MYOCD: variants seen among roughly 807,000 people sequenced by gnomAD.
The protein encoded by MYOCD is myocardin.
Under a neutral mutation model 96.1 loss-of-function variants are expected in MYOCD, and 32 were observed. The ratio of observed to expected loss-of-function variants is 0.33; its 90% CI spans 0.25 to 0.45. MYOCD has a LOEUF of 0.45. MYOCD is among the 20% of genes least tolerant of loss of function. MYOCD has a pLI of 1.00. For missense variants in MYOCD, 1,133 were observed against 1,200.6 expected, an observed-to-expected ratio of 0.94 and a Z score of 0.83; for synonymous variants, 469 against 469.0, an observed-to-expected ratio of 1.00 and a Z score of 0.00.
At chr17:12,669,908 C>T (rs1373017549) in intron 1 of MYOCD, among the ~76,000 whole-genome samples, 1 of 152,162 alleles carries the variant, frequency 6.6e-6, no homozygotes, top group Non-Finnish European at 1.5e-5. Flanking sequence ...TCCTATCAAG[C>T]TCTTGAGATT....
In MYOCD at chr17:12,669,627, T is replaced by G. The variant is rs149348444; in HGVS notation, c.55+3384T>G. ...TACAATCTGAGTGTTTTTTGTTGTT[T>G]TTTTTTTCTGAGACGGAGTCTCGCT... On this transcript the variant is annotated intron_variant, in intron 1 of 13. Transcript: ENST00000425538. Among the ~76,000 whole-genome samples, 145 of 152,252 alleles carry G rather than the reference T, an allele frequency of 9.5e-4. 1 individual carries two copies. The highest frequency in any genetic ancestry group is 3.3e-3 in the African/African-American group (136 of 41,544).
Position 12,752,729 on chromosome 17 carries a change from T to C in MYOCD, c.1441T>C (p.Ser481Pro), listed in dbSNP as rs148120163. Residue 481 changes from serine (S) to proline (P), a missense_variant, in exon 10 of 14, where the codon TCC (serine) becomes CCC (proline). Transcript: ENST00000425538. ...LPDTFNDASP[S>P]FGLHPSPVHV... The stretch of plus-strand genomic sequence containing the variant: ...GGACACCTTCAATGATGCCTCCCCC[T>C]CCTTCGGCCTGCACCCGTCCCCAGT... 1 of 1,613,888 alleles carries C rather than the reference T, an allele frequency of 6.2e-7. No individual in the cohort carries two copies. The highest frequency in any genetic ancestry group is 8.5e-7 in the Non-Finnish European group (1 of 1,180,008).
chr17:12,760,787 C>T, intron 13 of MYOCD, 80 bp downstream of exon 13: 1 of 1,132,468 alleles, frequency 8.8e-7, no homozygotes. Flanking sequence ...GTACCAAGAT[C>T]AGATGCACAC....
chr17:12,745,060 G>A (rs1368392090), intron 8 of MYOCD, among the ~76,000 whole-genome samples: 2 of 152,134 alleles, frequency 1.3e-5, no homozygotes, highest in African/African-American at 4.8e-5. Flanking sequence ...ATGTGATATT[G>A]GAATTATGAG....
At chr17:12,739,605 C>T (rs1020461689) in intron 7 of MYOCD, among the ~76,000 whole-genome samples, 1 of 152,160 alleles carries the variant, frequency 6.6e-6, no homozygotes, top group African/African-American at 2.4e-5. Flanking sequence ...TAAAAGATTT[C>T]ATAAGCTCAC....
chr17:12,705,156 G>A lies in MYOCD; in HGVS notation c.84G>A (p.Arg28=). ...TACAGTTAAGACTTCAACAAAGAAG[G>A]ACCCAGGAACAACTGGCTAACCAAG... ...SVLQLRLQQR[R]TQEQLANQGI... is the part of the protein sequence containing the mutation. The change falls in exon 2 of 14, where the codon AGG becomes AGA. Residue 28 remains arginine (R), a synonymous_variant. Coordinates refer to ENST00000425538, the MANE Select transcript of MYOCD (RefSeq NM_001146312.3). 1 of 1,613,604 alleles carries A rather than the reference G, an allele frequency of 6.2e-7. No homozygotes were observed. The highest frequency in any genetic ancestry group is 8.5e-7 in the Non-Finnish European group (1 of 1,179,666).
intron 5 of MYOCD, among the ~76,000 whole-genome samples, chr17:12,726,439 C>T (rs1475667707): frequency 6.6e-6 from 1 of 152,166 alleles, no homozygotes; most frequent in African/African-American, 2.4e-5. Flanking sequence ...TGAATGTATC[C>T]AGCAAAGGGG....
intron 1 of MYOCD, among the ~76,000 whole-genome samples, chr17:12,697,135 C>T (rs1277179184): frequency 6.6e-6 from 1 of 151,814 alleles, no homozygotes; most frequent in Non-Finnish European, 1.5e-5. Flanking sequence ...CTCAGTACCC[C>T]AGCTAACAAT....
rs796584573 is a variant in MYOCD, at chr17:12,715,847, G to A, written c.177+273G>A. Among the ~76,000 whole-genome samples the A allele has an allele frequency of 4.8e-4, 73 of 152,244 alleles. 1 individual carries two copies. Among genetic ancestry groups the A allele is most frequent in the African/African-American group, 1.6e-3 (68 of 41,534 alleles). On this transcript the variant is annotated intron_variant, in intron 3 of 13. Coordinates refer to ENST00000425538, the MANE Select transcript of MYOCD (RefSeq NM_001146312.3). ...AAGAAATTACAGTAGGGATGCACTG[G>A]AGTCAAAAACACTTTAGAGAAGGAA...
chr17:12,694,736 A>G (rs1048690032), intron 1 of MYOCD, among the ~76,000 whole-genome samples: 2 of 152,142 alleles, frequency 1.3e-5, no homozygotes, highest in Non-Finnish European at 2.9e-5. Context: ...AAATCATTCT[A>G]CTTCTAGGAG....
intron 1 of MYOCD, among the ~76,000 whole-genome samples, chr17:12,669,674 A>G (rs1298510626): frequency 6.6e-6 from 1 of 151,718 alleles, no homozygotes; most frequent in Non-Finnish European, 1.5e-5. Context: ...GCTGGAGTGC[A>G]GTGTCACGAT....
At chr17:12,724,952 G>A (rs2031953535) in intron 5 of MYOCD, among the ~76,000 whole-genome samples, 1 of 151,966 alleles carries the variant, frequency 6.6e-6, no homozygotes, top group African/African-American at 2.4e-5. Flanking sequence ...GAATTTATAT[G>A]TTAATTTATG....
Position 12,765,000 on chromosome 17 carries a change from T to G in MYOCD, c.*1356T>G, listed in dbSNP as rs1168237446. On this transcript the variant is annotated 3_prime_UTR_variant, in exon 14 of 14. Coordinates refer to ENST00000425538, the MANE Select transcript of MYOCD (RefSeq NM_001146312.3). ...TTGGTTTGTGTTGCTCTGGGGAAAT[T>G]GGAAATCATTACATTGTAAAGACAA... The G allele has an allele frequency of 6.6e-6, 1 of 152,200 alleles. No homozygotes were observed. The highest frequency in any genetic ancestry group is 1.5e-5 in the Non-Finnish European group (1 of 68,044). The allele number at this position is 152,200 out of a possible 1,614,324, so 9.4% of individuals were successfully genotyped here. A position where few individuals can be genotyped will look rare whatever the true frequency, so the allele number is the denominator to read the frequency against.
chr17:12,697,908 C>T (rs1445955669), intron 1 of MYOCD, among the ~76,000 whole-genome samples: 2 of 152,212 alleles, frequency 1.3e-5, no homozygotes, highest in Non-Finnish European at 2.9e-5. Context: ...TATATAGTTT[C>T]CCAACTATTT....
chr17:12,670,240 C>G (rs2150625795), intron 1 of MYOCD, among the ~76,000 whole-genome samples: 1 of 152,294 alleles, frequency 6.6e-6, no homozygotes, highest in South Asian at 2.1e-4. Flanking sequence ...ACCCACCCCA[C>G]TGTGTTCTTC....
rs1021673763 is a variant in MYOCD at position 12,758,301 on chromosome 17, A to G, written c.2331+88A>G. ...TATGATTAAACTTCACGCAGTTTGT[A>G]AATTCTGATATTGAGTGTGTCATGT... On this transcript the variant is annotated intron_variant, in intron 12 of 13. Transcript: ENST00000425538. 1.9e-6 allele frequency: 3 copies of G among 1,581,968 alleles called. No homozygotes were observed. The African/African-American group carries it at 4.1e-5, about 21-fold the overall frequency.
intron 4 of MYOCD, among the ~76,000 whole-genome samples, chr17:12,719,933 C>A (rs1341017867): frequency 6.6e-6 from 1 of 150,656 alleles, no homozygotes; most frequent in African/African-American, 2.4e-5. Flanking sequence ...GTGGAATTTT[C>A]CTTTAATAAA....
At chr17:12,735,353 T>C (rs970498624) in intron 5 of MYOCD, among the ~76,000 whole-genome samples, 2 of 78,278 alleles carry the variant, frequency 2.6e-5, no homozygotes, top group Non-Finnish European at 2.8e-5. Flanking sequence ...TGTAAGGATG[T>C]CATTCTAGTC....
intron 12 of MYOCD, 54 bp from the exon 13 acceptor site, chr17:12,760,596 A>G (rs2033141976): frequency 1.4e-6 from 2 of 1,436,982 alleles, no homozygotes; most frequent in African/African-American, 1.4e-5. Context: ...ATGATTTCCT[A>G]CGGAGATAAC....
Sources: gnomAD v4.1 joint callset for allele counts (sites outside exome capture counted in the v4.1 genomes callset) on GRCh38, gnomAD v4.1.1 for gene constraint, MANE v1.5 for transcripts, NCBI Gene and HGNC (gene_info 2026-07-23, HGNC 2026-07-21) for gene names.